BRD10: variants seen among roughly 807,000 people sequenced by gnomAD.
BRD10 encodes uncharacterized bromodomain-containing protein 10.
the BRD10 span, among the ~76,000 whole-genome samples, chr9:5,899,473 G>C: frequency 6.6e-6 from 1 of 152,152 alleles, no homozygotes; most frequent in Admixed American, 6.5e-5. Context: ...CACACCCACC[G>C]AGCATAGCCC....
At chr9:5,893,121 TA>T in the BRD10 span, among the ~76,000 whole-genome samples, 2 of 152,384 alleles carry the variant, frequency 1.3e-5, 1 homozygote, top group Middle Eastern at 6.8e-3. Context: ...CTAAGCATTG[TA>T]TACTGGCGTG....
the BRD10 span, among the ~76,000 whole-genome samples, chr9:6,004,547 G>C: frequency 6.6e-6 from 1 of 152,216 alleles, no homozygotes; most frequent in East Asian, 1.9e-4. Flanking sequence ...AGCAGTATAG[G>C]GAACGGCTTT....
the BRD10 span, chr9:5,909,033 C>G: frequency 3.2e-6 from 1 of 312,590 alleles, no homozygotes; most frequent in Non-Finnish European, 5.9e-6. Flanking sequence ...CATCCAATTT[C>G]TCTTTACTTG....
At chr9:5,985,611 C>A in the BRD10 span, among the ~76,000 whole-genome samples, 2 of 152,016 alleles carry the variant, frequency 1.3e-5, no homozygotes, top group Admixed American at 1.3e-4. Flanking sequence ...CATGGAGAAA[C>A]CCCATCTCTA....
chr9:6,006,780 A>G, the BRD10 span, among the ~76,000 whole-genome samples: 1 of 152,244 alleles, frequency 6.6e-6, no homozygotes, highest in Non-Finnish European at 1.5e-5. Context: ...ACCTTTTTAC[A>G]TAAGCCAAAA....
the BRD10 span, among the ~76,000 whole-genome samples, chr9:5,883,866 T>C: frequency 6.6e-6 from 1 of 152,116 alleles, no homozygotes; most frequent in African/African-American, 2.4e-5. Flanking sequence ...TAGCCAGAGT[T>C]CCTGTTGCTC....
chr9:5,921,481 T>C, the BRD10 span: 16 of 1,613,854 alleles, frequency 9.9e-6, no homozygotes, highest in Non-Finnish European at 1.4e-5. Flanking sequence ...TAAAAACTAA[T>C]TTCTGGGCAG....
the BRD10 span, among the ~76,000 whole-genome samples, chr9:6,004,320 T>A: frequency 4.6e-5 from 7 of 152,252 alleles, no homozygotes; most frequent in African/African-American, 1.7e-4. Context: ...GGCAGGGAAC[T>A]TATCTTTTGA....
chr9:5,988,300 A>G, the BRD10 span: 30 of 1,488,996 alleles, frequency 2.0e-5, no homozygotes, highest in Middle Eastern at 3.4e-4. Flanking sequence ...ATGGGCACAT[A>G]AAAATTATGC....
the BRD10 span, chr9:5,934,002 G>C: frequency 9.0e-6 from 3 of 334,992 alleles, no homozygotes; most frequent in African/African-American, 2.1e-5. Flanking sequence ...AAAGTCACTT[G>C]TTTATACAAG....
At chr9:5,993,100 G>A in the BRD10 span, among the ~76,000 whole-genome samples, 1 of 152,190 alleles carries the variant, frequency 6.6e-6, no homozygotes, top group East Asian at 1.9e-4. Context: ...TGGATCAAAT[G>A]AGGTCAGGAG....
chr9:6,005,372 G>A, the BRD10 span, among the ~76,000 whole-genome samples: 10 of 152,148 alleles, frequency 6.6e-5, no homozygotes, highest in Non-Finnish European at 1.0e-4. Flanking sequence ...TTAGCCGGGC[G>A]CGGTGACAAC....
the BRD10 span, among the ~76,000 whole-genome samples, chr9:6,003,288 A>G: frequency 6.6e-6 from 1 of 152,248 alleles, no homozygotes; most frequent in Non-Finnish European, 1.5e-5. Context: ...TCTTCAGCCT[A>G]CATGGCAATA....
At chr9:5,913,552 A>T in the BRD10 span, among the ~76,000 whole-genome samples, 7 of 152,350 alleles carry the variant, frequency 4.6e-5, no homozygotes, top group Admixed American at 3.9e-4. Context: ...AACGGAGGAA[A>T]AAAATGCTTG....
At chr9:5,914,767 A>G in the BRD10 span, among the ~76,000 whole-genome samples, 1 of 152,098 alleles carries the variant, frequency 6.6e-6, no homozygotes, top group Non-Finnish European at 1.5e-5. Flanking sequence ...TTTTTAGATC[A>G]TTCCATGAGA....
the BRD10 span, chr9:6,008,092 GC>G: frequency 1.0e-6 from 1 of 980,612 alleles, no homozygotes; most frequent in Non-Finnish European, 1.2e-6. Flanking sequence ...TCCGCACCCC[GC>G]CCGCCTGCTC....
chr9:5,916,018 A>C, the BRD10 span, among the ~76,000 whole-genome samples: 1 of 152,222 alleles, frequency 6.6e-6, no homozygotes. Flanking sequence ...TCCAGGTTGT[A>C]AGAACCTTCT....
the BRD10 span, among the ~76,000 whole-genome samples, chr9:5,879,282 G>T: frequency 6.6e-6 from 1 of 151,870 alleles, no homozygotes; most frequent in Non-Finnish European, 1.5e-5. Context: ...GGCCAACATG[G>T]TGAAACCCCA....
the BRD10 span, among the ~76,000 whole-genome samples, chr9:5,911,330 T>TACA: frequency 6.6e-6 from 1 of 152,024 alleles, no homozygotes; most frequent in Non-Finnish European, 1.5e-5. Flanking sequence ...TCTTGGCACC[T>TACA]TTGTTGAAAA....
Sources: allele counts gnomAD v4.1 joint callset (sites outside exome capture counted in the v4.1 genomes callset), GRCh38; gene constraint gnomAD v4.1.1; transcripts MANE v1.5; gene names NCBI Gene and HGNC (gene_info 2026-07-23, HGNC 2026-07-21).